MKLN1: variants seen among roughly 807,000 people sequenced by gnomAD.
MKLN1 encodes muskelin.
Under a neutral mutation model 99.0 loss-of-function variants are expected in MKLN1, and 18 were observed. That is an observed-to-expected ratio of 0.18 (90% CI 0.13 to 0.27). The LOEUF (loss-of-function observed/expected upper bound fraction) is 0.27, where lower values mean the gene tolerates loss of function less well. MKLN1 is among the 10% of genes least tolerant of loss of function. The probability of loss-of-function intolerance (pLI) is 1.00; values close to 1 mark genes in which losing one functional copy is unlikely to be tolerated. For missense variants in MKLN1, 621 were observed against 875.9 expected (o/e 0.71, Z 3.67); for synonymous variants, 288 against 293.2 (o/e 0.98, Z 0.18).
At chr7:131,427,197 G>A (rs1273910431) in intron 8 of MKLN1, among the ~76,000 whole-genome samples, 2 of 152,164 alleles carry the variant, frequency 1.3e-5, no homozygotes, top group African/African-American at 4.8e-5. Flanking sequence ...GGTATTTGGG[G>A]GATAGAAGAG....
At chr7:131,465,715 ATTTT>A (rs1207742749) in intron 14 of MKLN1, among the ~76,000 whole-genome samples, 1 of 151,660 alleles carries the variant, frequency 6.6e-6, no homozygotes, top group Non-Finnish European at 1.5e-5. Flanking sequence ...ATTTTTTTGT[ATTTT>A]TAGTAGAGAC....
chr7:131,161,961 GTGTATATATATATATATATATATATATA>G (rs1796058608), intron 2 of MKLN1, among the ~76,000 whole-genome samples: 1 of 81,096 alleles, frequency 1.2e-5, no homozygotes, highest in African/African-American at 6.2e-5. Flanking sequence ...GTGTGTGTGT[GTGTATATATATATATATATATATATATA>G]TATATATATA....
intron 3 of MKLN1, among the ~76,000 whole-genome samples, chr7:131,253,853 C>T (rs6978995): frequency 0.085 from 12,860 of 152,140 alleles, 596 homozygotes; most frequent in Middle Eastern, 0.13. Context: ...GCTCAATGTG[C>T]GCAACAAGCT....
intron 2 of MKLN1, among the ~76,000 whole-genome samples, chr7:131,165,731 G>A (rs568768135): frequency 1.3e-5 from 2 of 152,172 alleles, no homozygotes; most frequent in Admixed American, 6.5e-5. Context: ...AAGATAACAC[G>A]AGTGATCAGC....
chr7:131,485,286 C>T (rs905568379), intron 17 of MKLN1, among the ~76,000 whole-genome samples: 3 of 151,770 alleles, frequency 2.0e-5, no homozygotes, highest in Admixed American at 2.0e-4. Flanking sequence ...GAGAAGAATC[C>T]CTGAGTACAC....
intron 2 of MKLN1, among the ~76,000 whole-genome samples, chr7:131,161,137 G>A (rs889380365): frequency 1.3e-5 from 2 of 152,172 alleles, no homozygotes; most frequent in Non-Finnish European, 2.9e-5. Context: ...TCAAGCTTGA[G>A]CAGTGGAACC....
At chr7:131,380,031 G>T (rs970587467) in intron 2 of MKLN1, among the ~76,000 whole-genome samples, 5 of 136,300 alleles carry the variant, frequency 3.7e-5, no homozygotes, top group African/African-American at 1.4e-4. Context: ...CTAGAATCTG[G>T]GGTGTGGTAG....
intron 3 of MKLN1, among the ~76,000 whole-genome samples, chr7:131,318,029 C>G (rs569793957): frequency 1.3e-5 from 2 of 152,174 alleles, no homozygotes; most frequent in Non-Finnish European, 2.9e-5. Flanking sequence ...TAACACCACA[C>G]TGTCAATATT....
chr7:131,462,156 C>T (rs940618574), intron 12 of MKLN1, among the ~76,000 whole-genome samples: 23 of 152,190 alleles, frequency 1.5e-4, no homozygotes, highest in African/African-American at 5.3e-4. Context: ...CTCAGCCTCC[C>T]AGATAGCTAG....
intron 1 of MKLN1, chr7:131,328,296 A>G (rs1229848012): frequency 5.7e-6 from 2 of 352,156 alleles, no homozygotes; most frequent in Non-Finnish European, 1.1e-5. Context: ...GTTGAGGTTG[A>G]GGAGGGCTTG....
At chr7:131,133,035 C>T (rs1186853514) in intron 1 of MKLN1, among the ~76,000 whole-genome samples, 2 of 151,104 alleles carry the variant, frequency 1.3e-5, no homozygotes, top group East Asian at 3.9e-4. Flanking sequence ...AAGTACCAAG[C>T]CCGATGCTTT....
At chr7:131,115,250 A>G (rs1795256855) in intron 1 of MKLN1, among the ~76,000 whole-genome samples, 1 of 152,222 alleles carries the variant, frequency 6.6e-6, no homozygotes, top group South Asian at 2.1e-4. Flanking sequence ...CAGGCTTCAA[A>G]TTAAATGGCA....
chr7:131,444,463 C>T (rs1344763181), intron 11 of MKLN1, among the ~76,000 whole-genome samples: 1 of 151,788 alleles, frequency 6.6e-6, no homozygotes. Flanking sequence ...AGGAGCACCC[C>T]CCACAACATA....
At chr7:131,261,537 T>C (rs761232562) in intron 3 of MKLN1, among the ~76,000 whole-genome samples, 4 of 152,162 alleles carry the variant, frequency 2.6e-5, no homozygotes, top group Non-Finnish European at 4.4e-5. Context: ...ACTTATACAT[T>C]GGTGGTGGGA....
At chr7:131,289,857 T>G (rs1798191275) in intron 3 of MKLN1, among the ~76,000 whole-genome samples, 1 of 152,252 alleles carries the variant, frequency 6.6e-6, no homozygotes, top group Non-Finnish European at 1.5e-5. Context: ...CCAGCCACAT[T>G]GGCCTCATTG....
chr7:131,445,972 CT>C (rs1480506274), intron 12 of MKLN1, 69 bp downstream of exon 12: 6 of 1,035,378 alleles, frequency 5.8e-6, no homozygotes, highest in Non-Finnish European at 8.2e-6. Context: ...AGTTCATTCT[CT>C]TTTCTTTCTA....
chr7:131,327,761 G>C (rs1228969083), upstream of MKLN1: 13 of 1,407,680 alleles, frequency 9.2e-6, no homozygotes, highest in Non-Finnish European at 1.1e-5. Context: ...TTGGCCCGGC[G>C]CTGGGCTCGG....
chr7:131,166,377 C>T (rs1796124829), intron 2 of MKLN1, among the ~76,000 whole-genome samples: 1 of 152,122 alleles, frequency 6.6e-6, no homozygotes, highest in Non-Finnish European at 1.5e-5. Context: ...AAACACAGGC[C>T]AATTCCCAAA....
intron 1 of MKLN1, among the ~76,000 whole-genome samples, chr7:131,342,156 ATT>A (rs796109850): frequency 2.8e-5 from 4 of 141,132 alleles, no homozygotes; most frequent in Admixed American, 2.1e-4. Context: ...TTTTTTGTTG[ATT>A]TTTTTTTTTT....
Sources: gnomAD v4.1 joint callset for allele counts (sites outside exome capture counted in the v4.1 genomes callset) on GRCh38, gnomAD v4.1.1 for gene constraint, MANE v1.5 for transcripts, NCBI Gene and HGNC (gene_info 2026-07-23, HGNC 2026-07-21) for gene names.